Variants in CABLES1 observed in about 807,000 individuals in gnomAD.
The protein encoded by CABLES1 is Cdk5 and Abl enzyme substrate 1, also known as CDK5 and ABL1 enzyme substrate 1.
CABLES1 carries 36 observed loss-of-function variants against 57.8 expected under a neutral mutation model. That is an observed-to-expected ratio of 0.62 (90% CI 0.48 to 0.82). CABLES1 has a LOEUF of 0.82. Among genes scored for constraint, CABLES1 ranks in the 40% least tolerant of loss-of-function variants. The pLI is 0.00. For missense variants in CABLES1, 767 were observed against 836.6 expected, an observed-to-expected ratio of 0.92 and a Z score of 1.03; for synonymous variants, 374 against 363.0, an observed-to-expected ratio of 1.03 and a Z score of -0.35.
chr18:23,191,634 G>T (rs2047243527), intron 2 of CABLES1, among the ~76,000 whole-genome samples: 1 of 152,156 alleles, frequency 6.6e-6, no homozygotes, highest in Non-Finnish European at 1.5e-5. Flanking sequence ...GCATAATTAA[G>T]TATATCCTGT....
intron 3 of CABLES1, among the ~76,000 whole-genome samples, chr18:23,209,165 C>T (rs1323873874): frequency 6.6e-6 from 1 of 152,174 alleles, no homozygotes; most frequent in East Asian, 1.9e-4. Context: ...AATCTCTCAC[C>T]CTCCCACTCT....
rs563890641 is a variant in CABLES1, at chr18:23,166,096, A to G, written c.846-22742A>G. ...ATCTTTTATTGTTTCATGGCCTTCT[A>G]CCTATTATGTTCAATGATGTTGTCA... On this transcript the variant is annotated intron_variant, in intron 1 of 9. Coordinates refer to ENST00000256925, the MANE Select transcript of CABLES1 (RefSeq NM_001100619.3). 7.8e-4 allele frequency among the ~76,000 whole-genome samples: 119 copies of G among 152,260 alleles called. 1 individual carries two copies. The highest frequency in any genetic ancestry group is 2.3e-3 in the Admixed American group (35 of 15,296).
chr18:23,169,647 G>T (rs185030296), intron 1 of CABLES1, among the ~76,000 whole-genome samples: 1 of 152,258 alleles, frequency 6.6e-6, no homozygotes, highest in Admixed American at 6.5e-5. Flanking sequence ...TATTTCTTTG[G>T]CAAGATAACT....
intron 1 of CABLES1, among the ~76,000 whole-genome samples, chr18:23,174,689 G>T (rs1158882042): frequency 1.3e-5 from 2 of 151,618 alleles, no homozygotes; most frequent in East Asian, 3.9e-4. Flanking sequence ...AGCCAGGATG[G>T]TGTCGATCTC....
intron 4 of CABLES1, among the ~76,000 whole-genome samples, chr18:23,221,512 C>T (rs2047487082): frequency 6.6e-6 from 1 of 152,158 alleles, no homozygotes; most frequent in South Asian, 2.1e-4. Flanking sequence ...AGGTACCTTA[C>T]AGGATTTCCA....
intron 7 of CABLES1, among the ~76,000 whole-genome samples, chr18:23,242,972 T>C (rs1378211824): frequency 6.6e-6 from 1 of 151,804 alleles, no homozygotes; most frequent in Non-Finnish European, 1.5e-5. Context: ...ATGAGGTAGG[T>C]GATTAGATTC....
At chr18:23,200,468 T>G (rs574877033) in intron 3 of CABLES1, among the ~76,000 whole-genome samples, 4 of 152,186 alleles carry the variant, frequency 2.6e-5, no homozygotes, top group Admixed American at 2.6e-4. Context: ...TTCACCATGT[T>G]AGCCAGGAAG....
At chr18:23,140,438 CT>C (rs11358415) in intron 1 of CABLES1, among the ~76,000 whole-genome samples, 49,654 of 138,124 alleles carry the variant, frequency 0.36, 10,113 homozygotes, top group African/African-American at 0.6. Context: ...CGTTTTCTTT[CT>C]TTTTTTTTTT....
chr18:23,176,232 G>C lies in CABLES1; in HGVS notation c.846-12606G>C, dbSNP rs549129050. Among the ~76,000 whole-genome samples the C allele has an allele frequency of 3.9e-5, 6 of 152,246 alleles. No individual in the cohort carries two copies. In the East Asian group the frequency reaches 7.7e-4, roughly 20 times the overall value. On this transcript the variant is annotated intron_variant, in intron 1 of 9. Coordinates refer to ENST00000256925, the MANE Select transcript of CABLES1 (RefSeq NM_001100619.3). ...GACAATTTTTCCATGCACTGGGGGT[G>C]GGGGGATGGCTTCGGGATGAAACTG... is the stretch of plus-strand genomic sequence containing the variant.
intron 1 of CABLES1, among the ~76,000 whole-genome samples, chr18:23,181,969 C>A (rs1470135673): frequency 2.0e-5 from 3 of 152,224 alleles, no homozygotes; most frequent in African/African-American, 7.2e-5. Context: ...AAGACACTCT[C>A]ACCTCTTCCA....
At chr18:23,142,002 C>T (rs1179888868) in intron 1 of CABLES1, among the ~76,000 whole-genome samples, 1 of 152,110 alleles carries the variant, frequency 6.6e-6, no homozygotes, top group African/African-American at 2.4e-5. Flanking sequence ...CTTTGAGACT[C>T]CTGGGTTCTG....
intron 1 of CABLES1, among the ~76,000 whole-genome samples, chr18:23,141,602 G>T (rs2046858228): frequency 6.6e-6 from 1 of 152,222 alleles, no homozygotes; most frequent in African/African-American, 2.4e-5. Context: ...CGGAGTTGTA[G>T]CCCCAGGCCA....
At chr18:23,243,329 A>AGGGC (rs1257000490) in intron 7 of CABLES1, among the ~76,000 whole-genome samples, 1 of 152,104 alleles carries the variant, frequency 6.6e-6, no homozygotes, top group Non-Finnish European at 1.5e-5. Context: ...TGAGGCTTGA[A>AGGGC]GGGCGCCCTC....
intron 3 of CABLES1, among the ~76,000 whole-genome samples, chr18:23,203,169 G>T (rs79713670): frequency 6.6e-6 from 1 of 152,068 alleles, no homozygotes; most frequent in Non-Finnish European, 1.5e-5. Flanking sequence ...CCTCTGTCAC[G>T]TGCCTGCATG....
intron 7 of CABLES1, among the ~76,000 whole-genome samples, chr18:23,248,512 CTTTTTTTTTTT>C (rs59555750): frequency 3.3e-5 from 3 of 90,712 alleles, no homozygotes; most frequent in Non-Finnish European, 4.3e-5. Context: ...GACCCTATGT[CTTTTTTTTTTT>C]TTTTTTTTTT....
chr18:23,225,175 G>A (rs1475538990), intron 4 of CABLES1, among the ~76,000 whole-genome samples: 1 of 152,166 alleles, frequency 6.6e-6, no homozygotes, highest in African/African-American at 2.4e-5. Flanking sequence ...CCATCACAGA[G>A]CTATTATGTT....
chr18:23,144,334 A>G (rs1475044591), intron 1 of CABLES1, among the ~76,000 whole-genome samples: 1 of 152,238 alleles, frequency 6.6e-6, no homozygotes, highest in African/African-American at 2.4e-5. Context: ...AAGAGGAGGA[A>G]AATTTGATTC....
rs2046818886 is a variant in CABLES1 at position 23,136,169 on chromosome 18, C to T, written c.407C>T (p.Ser136Phe). The change falls in exon 1 of 10, where the codon TCC becomes TTC. Residue 136 changes from serine (S) to phenylalanine (F), a missense_variant. Coordinates refer to ENST00000256925, the MANE Select transcript of CABLES1 (RefSeq NM_001100619.3). Reference protein sequence around the residue: ...GTPAAGLAAGSGPCLPQPSSL... With the variant: ...GTPAAGLAAGFGPCLPQPSSL... Reference sequence around the variant, plus strand: ...CCGGCTGCGGGGTTAGCCGCTGGGTCCGGCCCCTGCCTCCCACAGCCCTCG... The same window carrying T: ...CCGGCTGCGGGGTTAGCCGCTGGGTTCGGCCCCTGCCTCCCACAGCCCTCG... 2.0e-5 allele frequency: 24 copies of T among 1,222,850 alleles called. No homozygotes were observed. Among genetic ancestry groups the T allele is most frequent in the Non-Finnish European group, 2.3e-5 (23 of 983,120 alleles). 75.7% of individuals were successfully genotyped at this position (1,222,850 alleles called of 1,614,324 possible). A position where few individuals can be genotyped will look rare whatever the true frequency, so the allele number is the denominator to read the frequency against.
intron 1 of CABLES1, among the ~76,000 whole-genome samples, chr18:23,138,804 A>C (rs1395572220): frequency 6.6e-6 from 1 of 152,018 alleles, no homozygotes; most frequent in African/African-American, 2.4e-5. Context: ...GTCTCCTGGG[A>C]TGTTTTCATA....
Sources: allele counts gnomAD v4.1 joint callset (sites outside exome capture counted in the v4.1 genomes callset), GRCh38; gene constraint gnomAD v4.1.1; transcripts MANE v1.5; gene names NCBI Gene and HGNC (gene_info 2026-07-23, HGNC 2026-07-21).